GADL1: variants seen among roughly 807,000 people sequenced by gnomAD.
The protein encoded by GADL1 is GAD like acidic amino acid decarboxylase 1.
GADL1 carries 71 observed loss-of-function variants against 69.5 expected under a neutral mutation model. The ratio of observed to expected loss-of-function variants is 1.02; its 90% CI spans 0.84 to 1.25. GADL1 has a LOEUF of 1.25. Ranked by LOEUF, GADL1 falls within the 50% of genes most tolerant of loss-of-function variation. GADL1 has a pLI of 0.00. For missense variants in GADL1, 737 were observed against 631.8 expected (o/e 1.17, Z -1.79); for synonymous variants, 254 against 214.4 (o/e 1.18, Z -1.62).
At chr3:30,836,168 G>C (rs1020076374) in intron 9 of GADL1, among the ~76,000 whole-genome samples, 2 of 151,980 alleles carry the variant, frequency 1.3e-5, no homozygotes, top group African/African-American at 4.8e-5. Flanking sequence ...AGCCACACCT[G>C]TTTGCTCGCT....
In GADL1 at chr3:30,778,203, G is replaced by A. The variant is rs373498528; in HGVS notation, c.1368C>T (p.Pro456=). Reference sequence around the variant, plus strand: ...CCAAATTAAGTTTTGCCCAGAACTCGGGTCCTTCTTCCATCTCTCTGAGGC... The same window carrying A: ...CCAAATTAAGTTTTGCCCAGAACTCAGGTCCTTCTTCCATCTCTCTGAGGC... ...PPSLREMEEG[P]EFWAKLNLVA... Residue 456 remains proline, a synonymous_variant, in exon 14 of 15, where the codon CCC becomes CCT. Transcript: ENST00000282538. 1.8e-5 allele frequency: 29 copies of A among 1,609,600 alleles called. No homozygotes were observed. The highest frequency in any genetic ancestry group is 4.5e-5 in the East Asian group (2 of 44,828).
At chr3:30,773,701 A>G (rs1696471400) in intron 14 of GADL1, among the ~76,000 whole-genome samples, 1 of 152,196 alleles carries the variant, frequency 6.6e-6, no homozygotes, top group Non-Finnish European at 1.5e-5. Context: ...TTATAGTTGA[A>G]TAGTTTCTTC....
chr3:30,744,222 C>T (rs1340089014), intron 14 of GADL1, among the ~76,000 whole-genome samples: 2 of 152,058 alleles, frequency 1.3e-5, no homozygotes, highest in African/African-American at 4.8e-5. Context: ...TAAGTTATAG[C>T]TGTAATTAAT....
At chr3:30,744,388 C>T (rs1199236904) in intron 14 of GADL1, among the ~76,000 whole-genome samples, 1 of 152,080 alleles carries the variant, frequency 6.6e-6, no homozygotes, top group Non-Finnish European at 1.5e-5. Context: ...TAATATCAAT[C>T]AATAATACAG....
At chr3:30,809,504 C>T (rs932462934) in intron 11 of GADL1, among the ~76,000 whole-genome samples, 1 of 152,156 alleles carries the variant, frequency 6.6e-6, no homozygotes, top group African/African-American at 2.4e-5. Flanking sequence ...ACGCTTGCTT[C>T]TATTACCAGT....
At chr3:30,736,936 C>A (rs1018338721) in intron 14 of GADL1, among the ~76,000 whole-genome samples, 4 of 152,082 alleles carry the variant, frequency 2.6e-5, no homozygotes, top group African/African-American at 9.7e-5. Flanking sequence ...AAAAAAGTTA[C>A]TTTTTCTTGG....
chr3:30,779,544 C>G (rs995630658), intron 13 of GADL1, among the ~76,000 whole-genome samples: 1 of 152,164 alleles, frequency 6.6e-6, no homozygotes. Flanking sequence ...CAATTTATAC[C>G]TGGATCTCTG....
At chr3:30,767,552 T>G (rs1696312352) in intron 14 of GADL1, among the ~76,000 whole-genome samples, 1 of 152,162 alleles carries the variant, frequency 6.6e-6, no homozygotes, top group Non-Finnish European at 1.5e-5. Context: ...TCAGGTTAGA[T>G]TCATACTTTG....
intron 1 of GADL1, 92 bp downstream of exon 1, chr3:30,894,486 C>T (rs1698830400): frequency 8.5e-6 from 9 of 1,064,950 alleles, no homozygotes; most frequent in Non-Finnish European, 1.1e-5. Context: ...AAAGAAATAA[C>T]CAAACTTCTA....
At position 30,726,406 on chromosome 3, in the gene GADL1, C is replaced by G. The variant is rs556462766; in HGVS notation, c.*1836G>C. The G allele has an allele frequency of 6.6e-6, 1 of 151,248 alleles. No individual in the cohort carries two copies. The highest frequency in any genetic ancestry group is 1.5e-5 in the Non-Finnish European group (1 of 67,846). 9.4% of individuals were successfully genotyped at this position (151,248 alleles called of 1,614,324 possible). On this transcript the variant is annotated 3_prime_UTR_variant, in exon 15 of 15. Coordinates refer to ENST00000282538, the MANE Select transcript of GADL1 (RefSeq NM_207359.3). ...AATGTTCCTTTTTGTTTCATGAAACCCAAATTGTTACAAACATCAATTTTA... is the reference window on the plus strand; with the variant it reads ...AATGTTCCTTTTTGTTTCATGAAACGCAAATTGTTACAAACATCAATTTTA...
chr3:30,741,338 T>G (rs1255723665), intron 14 of GADL1, among the ~76,000 whole-genome samples: 1 of 151,574 alleles, frequency 6.6e-6, no homozygotes, highest in Non-Finnish European at 1.5e-5. Flanking sequence ...AAACATTCAA[T>G]TTTTTACCTT....
intron 12 of GADL1, among the ~76,000 whole-genome samples, chr3:30,792,271 C>T (rs1180411461): frequency 6.6e-6 from 1 of 152,128 alleles, no homozygotes; most frequent in African/African-American, 2.4e-5. Context: ...TGATTTTTGT[C>T]TATGCTTAGA....
At chr3:30,731,702 A>T (rs1449623295) in intron 14 of GADL1, among the ~76,000 whole-genome samples, 1 of 152,246 alleles carries the variant, frequency 6.6e-6, no homozygotes, top group African/African-American at 2.4e-5. Context: ...ATAACTAAAT[A>T]TATGACTCAG....
At chr3:30,871,348 C>A (rs1002773363) in intron 1 of GADL1, among the ~76,000 whole-genome samples, 1 of 151,440 alleles carries the variant, frequency 6.6e-6, no homozygotes, top group Admixed American at 6.6e-5. Context: ...TGGCAATAAT[C>A]CAGGCCAGGG....
intron 9 of GADL1, among the ~76,000 whole-genome samples, chr3:30,838,589 T>A (rs1478934452): frequency 1.3e-5 from 2 of 152,080 alleles, no homozygotes; most frequent in Non-Finnish European, 2.9e-5. Context: ...ACAGCCCACA[T>A]CTACCATCCC....
At chr3:30,828,477 AGT>A (rs1697722037) in intron 11 of GADL1, among the ~76,000 whole-genome samples, 3 of 55,446 alleles carry the variant, frequency 5.4e-5, no homozygotes, top group Admixed American at 4.7e-4. Flanking sequence ...CAAAAATAAA[AGT>A]GGGGGGGGTG....
At chr3:30,810,985 A>G (rs1045825450) in intron 11 of GADL1, among the ~76,000 whole-genome samples, 2 of 152,164 alleles carry the variant, frequency 1.3e-5, no homozygotes, top group African/African-American at 4.8e-5. Context: ...TCAGTTTATC[A>G]TCTGTAAAAA....
intron 14 of GADL1, among the ~76,000 whole-genome samples, chr3:30,760,574 A>C (rs1000861325): frequency 7.9e-5 from 12 of 152,154 alleles, no homozygotes; most frequent in Admixed American, 3.9e-4. Context: ...CAGGCCATCT[A>C]TACACAAAAT....
intron 14 of GADL1, among the ~76,000 whole-genome samples, chr3:30,761,035 A>T (rs1455679832): frequency 6.7e-6 from 1 of 150,178 alleles, no homozygotes; most frequent in African/African-American, 2.4e-5. Context: ...ACAACCCACA[A>T]AACATTTTGC....
Sources: gnomAD v4.1 joint callset for allele counts (sites outside exome capture counted in the v4.1 genomes callset) on GRCh38, gnomAD v4.1.1 for gene constraint, MANE v1.5 for transcripts, NCBI Gene and HGNC (gene_info 2026-07-23, HGNC 2026-07-21) for gene names.